The following PTPRO variants were observed in gnomAD, a reference collection of about 807,000 sequenced individuals.
PTPRO encodes protein tyrosine phosphatase receptor type O.
In PTPRO, 62 loss-of-function variants were observed where a neutral mutation model predicts 145.2. The observed-to-expected ratio is 0.43, with a 90% CI of 0.35 to 0.53. The LOEUF (loss-of-function observed/expected upper bound fraction) is 0.53. Among genes scored for constraint, PTPRO ranks in the 20% least tolerant of loss-of-function variants. The pLI is 0.01. For missense variants in PTPRO, 1,345 were observed against 1,482.7 expected (o/e 0.91, Z 1.53); for synonymous variants, 565 against 514.7 (o/e 1.10, Z -1.32).
At chr12:15,345,135 G>T (rs574544566) in intron 1 of PTPRO, among the ~76,000 whole-genome samples, 27 of 152,154 alleles carry the variant, frequency 1.8e-4, no homozygotes, top group African/African-American at 6.5e-4. Flanking sequence ...TAAATCACTG[G>T]AATGTATACT....
intron 25 of PTPRO, among the ~76,000 whole-genome samples, chr12:15,592,213 C>G (rs1025355160): frequency 6.6e-6 from 1 of 152,048 alleles, no homozygotes; most frequent in African/African-American, 2.4e-5. Context: ...TCCTTAAGCC[C>G]ATTCACATTC....
At chr12:15,513,154 A>T (rs866852843) in intron 7 of PTPRO, among the ~76,000 whole-genome samples, 7 of 31,054 alleles carry the variant, frequency 2.3e-4, no homozygotes, top group Admixed American at 4.8e-4. Context: ...AAAGAAAGAA[A>T]GAAAAAGAAA....
At chr12:15,393,883 G>C (rs965790830) in intron 1 of PTPRO, among the ~76,000 whole-genome samples, 7 of 152,114 alleles carry the variant, frequency 4.6e-5, no homozygotes, top group African/African-American at 1.7e-4. Context: ...TCTTGTGAAG[G>C]CCTTCTTGCA....
At position 15,596,781 on chromosome 12, in the gene PTPRO, T is replaced by A. The variant is rs1022324031; in HGVS notation, c.*708T>A. 1.3e-5 allele frequency: 2 copies of A among 152,432 alleles called. No homozygotes were observed. The highest frequency in any genetic ancestry group is 4.8e-5 in the African/African-American group (2 of 41,408). The allele number at this position is 152,432 out of a possible 1,614,324, so 9.4% of individuals were successfully genotyped here. A position where few individuals can be genotyped will look rare whatever the true frequency, so the allele number is the denominator to read the frequency against. On this transcript the variant is annotated 3_prime_UTR_variant, in exon 27 of 27. Transcript: ENST00000281171. Reference sequence around the variant, plus strand: ...CTGTTCTAGTTCTTGATGGTTTTCTTCCTTATTAACAGTTGGTGTTTCTTC... The same window carrying A: ...CTGTTCTAGTTCTTGATGGTTTTCTACCTTATTAACAGTTGGTGTTTCTTC...
chr12:15,415,030 T>C (rs879287964), intron 1 of PTPRO, among the ~76,000 whole-genome samples: 2 of 152,144 alleles, frequency 1.3e-5, no homozygotes, highest in Admixed American at 6.5e-5. Flanking sequence ...ATGTGGAAAG[T>C]ATTTCATGCA....
chr12:15,497,421 A>G lies in PTPRO; in HGVS notation c.508+18A>G. 3.1e-6 allele frequency: 5 copies of G among 1,610,760 alleles called. No individual in the cohort carries two copies. The highest frequency in any genetic ancestry group is 4.2e-6 in the Non-Finnish European group (5 of 1,177,464). ...ATATAAAGGTAAGCAGCAAAAGGAAAGCTGAATCAATGATGACCCTCACTT... is the reference window on the plus strand; with the variant it reads ...ATATAAAGGTAAGCAGCAAAAGGAAGGCTGAATCAATGATGACCCTCACTT... On this transcript the variant is annotated intron_variant, in intron 3 of 26. Coordinates refer to ENST00000281171, the MANE Select transcript of PTPRO (RefSeq NM_030667.3).
chr12:15,449,797 A>G (rs1219826014), intron 1 of PTPRO, among the ~76,000 whole-genome samples: 1 of 152,134 alleles, frequency 6.6e-6, no homozygotes, highest in Non-Finnish European at 1.5e-5. Flanking sequence ...AAATTGAGTA[A>G]AGAATGTACA....
intron 12 of PTPRO, among the ~76,000 whole-genome samples, chr12:15,543,790 A>G (rs1358093885): frequency 6.6e-6 from 1 of 152,230 alleles, no homozygotes; most frequent in East Asian, 1.9e-4. Flanking sequence ...TCACCAAATG[A>G]GACTTCAAGG....
At position 15,353,694 on chromosome 12, in the gene PTPRO, A is replaced by G. The variant is rs148834781; in HGVS notation, c.75+30893A>G. 4.6e-5 allele frequency among the ~76,000 whole-genome samples: 7 copies of G among 152,240 alleles called. No individual in the cohort carries two copies. In the East Asian group the frequency reaches 1.4e-3, roughly 29 times the overall value. ...AAAACACTCATAATAGGCAGATGCTATTGTTCTTTGGCTATCTGGTATGTC... is the reference window on the plus strand; with the variant it reads ...AAAACACTCATAATAGGCAGATGCTGTTGTTCTTTGGCTATCTGGTATGTC... On this transcript the variant is annotated intron_variant, in intron 1 of 26. Transcript: ENST00000281171.
At chr12:15,523,118 G>A (rs915258672) in intron 10 of PTPRO, among the ~76,000 whole-genome samples, 6 of 152,080 alleles carry the variant, frequency 3.9e-5, no homozygotes, top group Non-Finnish European at 2.9e-5. Context: ...AGTGCTACTC[G>A]TATTTCACAT....
At chr12:15,476,563 A>T (rs1297114867) in intron 1 of PTPRO, among the ~76,000 whole-genome samples, 5 of 150,666 alleles carry the variant, frequency 3.3e-5, no homozygotes, top group Non-Finnish European at 7.4e-5. Flanking sequence ...GAAGCTCTTT[A>T]GTTTAATTAG....
At chr12:15,336,243 A>AG (rs1174128071) in intron 1 of PTPRO, among the ~76,000 whole-genome samples, 1 of 151,580 alleles carries the variant, frequency 6.6e-6, no homozygotes, top group Non-Finnish European at 1.5e-5. Context: ...AAAAAAAAAA[A>AG]GGTATAAAAC....
chr12:15,433,171 C>CTTTTT (rs55746632), intron 1 of PTPRO, among the ~76,000 whole-genome samples: 1 of 103,642 alleles, frequency 9.6e-6, no homozygotes, highest in Non-Finnish European at 2.0e-5. Context: ...CAGTTTGGGG[C>CTTTTT]TTTTTTTTTT....
chr12:15,392,429 G>C (rs1285515479), intron 1 of PTPRO, among the ~76,000 whole-genome samples: 24 of 152,108 alleles, frequency 1.6e-4, no homozygotes, highest in Non-Finnish European at 2.9e-5. Context: ...CTTTAAAGAA[G>C]GGGAGCCCAG....
At chr12:15,349,973 C>T (rs865842060) in intron 1 of PTPRO, among the ~76,000 whole-genome samples, 6 of 152,088 alleles carry the variant, frequency 3.9e-5, no homozygotes, top group South Asian at 2.1e-4. Flanking sequence ...AGTTAAGCTT[C>T]GGATGAATTT....
intron 1 of PTPRO, among the ~76,000 whole-genome samples, chr12:15,446,045 C>A (rs11056492): frequency 6.6e-6 from 1 of 151,940 alleles, no homozygotes; most frequent in Non-Finnish European, 1.5e-5. Context: ...AAACAGTGAA[C>A]CACTCATTAC....
chr12:15,355,068 A>G (rs771970860), intron 1 of PTPRO, among the ~76,000 whole-genome samples: 1 of 152,140 alleles, frequency 6.6e-6, no homozygotes, highest in Non-Finnish European at 1.5e-5. Context: ...GAGGATGAAG[A>G]GAGAGAGAAA....
rs769374931 is a variant in PTPRO, at chr12:15,569,469, T to C, written c.2800T>C (p.Ser934Pro). 7 of 1,613,792 alleles carry C rather than the reference T, an allele frequency of 4.3e-6. No homozygotes were observed. The Admixed American group carries it at 1.2e-4, about 27-fold the overall frequency. ...DAYIKDMAKDSDYKFSLQFEE... is the reference protein window; with the variant it reads ...DAYIKDMAKDPDYKFSLQFEE... Reference sequence around the variant, plus strand: ...CTATATTAAGGATATGGCCAAAGACTCTGACTATAAATTTTCTCTTCAGTT... The same window carrying C: ...CTATATTAAGGATATGGCCAAAGACCCTGACTATAAATTTTCTCTTCAGTT... The change falls in exon 19 of 27, where the codon TCT (serine) becomes CCT (proline). Residue 934 changes from serine to proline, a missense_variant. This residue lies in a region of PTPRO where 1,130 missense variants were observed against 1,214.7 expected (regional missense o/e 0.93). Coordinates refer to ENST00000281171, the MANE Select transcript of PTPRO (RefSeq NM_030667.3).
At chr12:15,500,627 T>C (rs1942201384) in intron 4 of PTPRO, among the ~76,000 whole-genome samples, 2 of 152,204 alleles carry the variant, frequency 1.3e-5, no homozygotes, top group East Asian at 1.9e-4. Flanking sequence ...AAATTTTTAT[T>C]AGAAGCTCAT....
Sources: allele counts gnomAD v4.1 joint callset (sites outside exome capture counted in the v4.1 genomes callset), GRCh38; gene constraint gnomAD v4.1.1; regional missense constraint gnomAD v4.1.1; transcripts MANE v1.5; gene names NCBI Gene and HGNC (gene_info 2026-07-23, HGNC 2026-07-21).